Variants in DNM3 observed in about 807,000 individuals in gnomAD.
The protein encoded by DNM3 is dynamin-3.
DNM3 carries 47 observed loss-of-function variants against 101.6 expected under a neutral mutation model. The ratio of observed to expected loss-of-function variants is 0.46; its 90% CI spans 0.37 to 0.59. The LOEUF (loss-of-function observed/expected upper bound fraction) is 0.59, where lower values mean the gene tolerates loss of function less well. Ranked by LOEUF, DNM3 falls within the 20% of genes least tolerant of loss-of-function variation. DNM3 has a pLI of 0.00. For missense variants in DNM3, 849 were observed against 1,085.7 expected (o/e 0.78, Z 3.06); for synonymous variants, 385 against 387.9 (o/e 0.99, Z 0.09).
intron 17 of DNM3, among the ~76,000 whole-genome samples, chr1:172,340,230 G>T (rs2066625350): frequency 6.6e-6 from 1 of 152,302 alleles, no homozygotes; most frequent in South Asian, 2.1e-4. Flanking sequence ...AATCTTTTGG[G>T]TTAGATTCCT....
chr1:172,314,688 G>A (rs2065241409), intron 16 of DNM3, among the ~76,000 whole-genome samples: 1 of 152,162 alleles, frequency 6.6e-6, no homozygotes. Context: ...GCTGAGGGAG[G>A]GGCGCCCGCC....
intron 1 of DNM3, among the ~76,000 whole-genome samples, chr1:171,879,677 A>G (rs1255695762): frequency 6.6e-6 from 1 of 152,198 alleles, no homozygotes. Flanking sequence ...CATTGCTTCC[A>G]TTATTACTCC....
chr1:171,989,917 G>A (rs12079299), intron 4 of DNM3, among the ~76,000 whole-genome samples: 1,676 of 151,864 alleles, frequency 0.011, 45 homozygotes, highest in African/African-American at 0.038. Flanking sequence ...GTTCTTATTA[G>A]CATGTTAGAA....
intron 2 of DNM3, among the ~76,000 whole-genome samples, chr1:171,924,894 C>T (rs2040437686): frequency 6.7e-6 from 1 of 148,308 alleles, no homozygotes. Flanking sequence ...GTCCTTTGCC[C>T]ACTTTTTTTT....
rs933615829 is a variant in DNM3, at chr1:171,971,484, T to C, written c.236-16172T>C. Among the ~76,000 whole-genome samples the C allele has an allele frequency of 5.0e-4, 76 of 152,194 alleles. 2 individuals carry two copies. The highest frequency in any genetic ancestry group is 1.5e-5 in the Non-Finnish European group (1 of 68,002). On this transcript the variant is annotated intron_variant, in intron 2 of 20. Transcript: ENST00000627582. ...AGTTTGTCTTCTTTTCCAACTTTGG[T>C]AAGTTCTTCAATTATGAAATATAGC...
At chr1:172,132,119 A>G (rs1484942791) in intron 14 of DNM3, among the ~76,000 whole-genome samples, 1 of 152,182 alleles carries the variant, frequency 6.6e-6, no homozygotes, top group Non-Finnish European at 1.5e-5. Flanking sequence ...TGTGATAGCA[A>G]AACTATGTAC....
intron 2 of DNM3, among the ~76,000 whole-genome samples, chr1:171,937,865 G>T (rs1280302873): frequency 6.6e-6 from 1 of 150,492 alleles, no homozygotes; most frequent in Non-Finnish European, 1.5e-5. Flanking sequence ...TTACAGGTAT[G>T]AGCCACAATG....
chr1:172,161,406 T>A (rs951326161), intron 14 of DNM3, among the ~76,000 whole-genome samples: 2 of 151,940 alleles, frequency 1.3e-5, no homozygotes, highest in East Asian at 3.9e-4. Context: ...TTTTTAAAAG[T>A]TTATCACAGT....
intron 13 of DNM3, among the ~76,000 whole-genome samples, chr1:172,128,840 A>C (rs1253758965): frequency 4.6e-5 from 7 of 152,016 alleles, no homozygotes; most frequent in Non-Finnish European, 7.4e-5. Flanking sequence ...CAGTAGGTTC[A>C]TTTCCTTTTA....
At chr1:172,210,014 G>A (rs898554963) in intron 14 of DNM3, among the ~76,000 whole-genome samples, 2 of 151,978 alleles carry the variant, frequency 1.3e-5, no homozygotes, top group African/African-American at 2.4e-5. Flanking sequence ...TTTACTGTGT[G>A]CCAAACACCA....
chr1:172,253,327 ATCACTG>A (rs1330893469), intron 14 of DNM3, among the ~76,000 whole-genome samples: 5 of 152,086 alleles, frequency 3.3e-5, no homozygotes, highest in African/African-American at 1.2e-4. Context: ...CATGTTGAGA[ATCACTG>A]GGGCCTCCTA....
chr1:172,047,123 T>TC (rs2049874593), intron 9 of DNM3, among the ~76,000 whole-genome samples: 1 of 152,160 alleles, frequency 6.6e-6, no homozygotes, highest in South Asian at 2.1e-4. Flanking sequence ...AATTTTTTTT[T>TC]CCCATTTGAT....
intron 18 of DNM3, 129 bp downstream of exon 18, chr1:172,379,311 C>A: frequency 1.2e-6 from 1 of 863,234 alleles, no homozygotes; most frequent in Non-Finnish European, 1.7e-6. Context: ...TCATCATTTT[C>A]CATTAGACGT....
rs1048536149 is a variant in DNM3 at position 172,269,102 on chromosome 1, G to A, written c.1769+15420G>A. Among the ~76,000 whole-genome samples, 12 of 152,110 alleles carry A rather than the reference G, an allele frequency of 7.9e-5. No individual in the cohort carries two copies. The East Asian group carries it at 1.7e-3, about 22-fold the overall frequency. ...AAGGATTTAAACTGGAGTTGTAACC[G>A]AAGCCATTAGTAGTGCCAGCAAGGA... is the stretch of plus-strand genomic sequence containing the variant. On this transcript the variant is annotated intron_variant, in intron 15 of 20. Transcript: ENST00000627582.
chr1:172,375,558 G>A (rs2068552926), intron 17 of DNM3, among the ~76,000 whole-genome samples: 1 of 151,952 alleles, frequency 6.6e-6, no homozygotes, highest in Non-Finnish European at 1.5e-5. Flanking sequence ...CTTCAAATAA[G>A]TCTATGACAT....
Position 171,987,768 on chromosome 1 carries a change from C to G in DNM3, c.348C>G (p.Ser116=), listed in dbSNP as rs747273591. Residue 116 remains serine, a synonymous_variant, in exon 3 of 21, where the codon TCC becomes TCG. Transcript: ENST00000627582. The part of the protein sequence containing the change: ...DRVTGMNKGI[S]SIPINLRVYS... ...TGACTGGAATGAATAAAGGCATTTC[C>G]TCCATACCCATTAATTTACGAGTCT... The G allele has an allele frequency of 1.3e-6, 2 of 1,587,546 alleles. No individual in the cohort carries two copies. Among genetic ancestry groups the G allele is most frequent in the Non-Finnish European group, 1.7e-6 (2 of 1,170,612 alleles).
intron 17 of DNM3, among the ~76,000 whole-genome samples, chr1:172,362,981 A>T (rs967072402): frequency 6.6e-6 from 1 of 151,270 alleles, no homozygotes; most frequent in Admixed American, 6.6e-5. Flanking sequence ...CTTTTTTTTA[A>T]CTCCTTATGG....
At chr1:172,214,586 G>A (rs1255901605) in intron 14 of DNM3, among the ~76,000 whole-genome samples, 1 of 152,008 alleles carries the variant, frequency 6.6e-6, no homozygotes. Flanking sequence ...AACATAATTA[G>A]ATATGTTTGG....
chr1:172,291,532 A>G (rs2063916712), intron 15 of DNM3, among the ~76,000 whole-genome samples: 1 of 152,180 alleles, frequency 6.6e-6, no homozygotes, highest in Admixed American at 6.6e-5. Flanking sequence ...AAGATGGATT[A>G]TTCTTATCTG....
Sources: gnomAD v4.1 joint callset for allele counts (sites outside exome capture counted in the v4.1 genomes callset) on GRCh38, gnomAD v4.1.1 for gene constraint, MANE v1.5 for transcripts, NCBI Gene and HGNC (gene_info 2026-07-23, HGNC 2026-07-21) for gene names.